CCDC178: variants seen among roughly 807,000 people sequenced by gnomAD.
CCDC178 encodes coiled-coil domain-containing protein 178.
A neutral mutation model predicts 117.4 loss-of-function variants in CCDC178; 126 were observed. The ratio of observed to expected loss-of-function variants is 1.07; its 90% CI spans 0.93 to 1.24. CCDC178 has a LOEUF of 1.24. Among genes scored for constraint, CCDC178 ranks in the 50% most tolerant of loss-of-function variants. The probability of loss-of-function intolerance (pLI) is 0.00; values close to 1 mark genes in which losing one functional copy is unlikely to be tolerated. For missense variants in CCDC178, 1,030 were observed against 986.9 expected, an observed-to-expected ratio of 1.04 and a Z score of -0.59; for synonymous variants, 283 against 313.4, an observed-to-expected ratio of 0.90 and a Z score of 1.02.
At chr18:33,108,793 T>TA (rs887954031) in intron 20 of CCDC178, among the ~76,000 whole-genome samples, 2 of 151,614 alleles carry the variant, frequency 1.3e-5, no homozygotes, top group Non-Finnish European at 3.0e-5. Flanking sequence ...AACGGTTTTT[T>TA]AAAAAAAGTG....
At chr18:33,113,976 T>C (rs969342172) in intron 20 of CCDC178, among the ~76,000 whole-genome samples, 9 of 151,996 alleles carry the variant, frequency 5.9e-5, no homozygotes, top group African/African-American at 2.2e-4. Flanking sequence ...TGCCATGAAA[T>C]AGCCAGCATT....
chr18:33,042,894 C>T (rs540642773), intron 21 of CCDC178, among the ~76,000 whole-genome samples: 73 of 151,750 alleles, frequency 4.8e-4, no homozygotes, highest in Admixed American at 1.5e-3. Context: ...AAATATGATT[C>T]GCAGATTTAA....
intron 21 of CCDC178, among the ~76,000 whole-genome samples, chr18:32,985,147 A>T (rs1410540700): frequency 6.6e-6 from 1 of 152,002 alleles, no homozygotes; most frequent in Non-Finnish European, 1.5e-5. Flanking sequence ...TCAAAATTTC[A>T]AGAAGAAATA....
intron 20 of CCDC178, among the ~76,000 whole-genome samples, chr18:33,129,199 C>T (rs1568006342): frequency 6.6e-6 from 1 of 152,076 alleles, no homozygotes; most frequent in Non-Finnish European, 1.5e-5. Context: ...CTTAACTGCT[C>T]ATTTAATTCA....
chr18:33,251,574 G>C (rs970010183), intron 14 of CCDC178, among the ~76,000 whole-genome samples: 1 of 151,656 alleles, frequency 6.6e-6, no homozygotes, highest in East Asian at 1.9e-4. Context: ...AAAGTCCTTC[G>C]AGTGTCTCCC....
In CCDC178 at chr18:33,045,106, G is replaced by A. The variant is rs2056617963; in HGVS notation, c.2388+47655C>T. Among the ~76,000 whole-genome samples, 3 of 152,008 alleles carry A rather than the reference G, an allele frequency of 2.0e-5. No homozygotes were observed. The South Asian group carries it at 6.2e-4, about 32-fold the overall frequency. On this transcript the variant is annotated intron_variant, in intron 21 of 22. Coordinates refer to ENST00000383096, the MANE Select transcript of CCDC178 (RefSeq NM_001105528.4). ...CAGTAAAAACCCAGAATTCACCATG[G>A]TGCATGTAAGAAATGCATATGTATG...
chr18:33,438,564 AC>A (rs2064325888), intron 2 of CCDC178, among the ~76,000 whole-genome samples: 2 of 151,796 alleles, frequency 1.3e-5, no homozygotes, highest in South Asian at 2.1e-4. Context: ...ACACACACAC[AC>A]AATTTGTGTT....
At chr18:33,366,016 C>G (rs2063200699) in intron 6 of CCDC178, among the ~76,000 whole-genome samples, 1 of 152,032 alleles carries the variant, frequency 6.6e-6, no homozygotes, top group South Asian at 2.1e-4. Flanking sequence ...ATAGAAAAGT[C>G]CGTGGCAGAT....
intron 12 of CCDC178, among the ~76,000 whole-genome samples, chr18:33,279,598 A>C (rs77814151): frequency 0.6 from 91,322 of 151,806 alleles, 30,227 homozygotes; most frequent in Non-Finnish European, 0.73. Flanking sequence ...ATTGGAAAAA[A>C]CTACTTTCAA....
intron 14 of CCDC178, among the ~76,000 whole-genome samples, chr18:33,250,848 T>G (rs2059612287): frequency 1.3e-5 from 2 of 151,560 alleles, no homozygotes; most frequent in African/African-American, 4.8e-5. Context: ...CACACATAGC[T>G]ACAAACAAAA....
intron 21 of CCDC178, chr18:32,983,303 G>T: frequency 6.5e-7 from 1 of 1,529,770 alleles, no homozygotes; most frequent in Non-Finnish European, 8.8e-7. Context: ...GAGTTCATCT[G>T]ATATAATTGG....
intron 20 of CCDC178, among the ~76,000 whole-genome samples, chr18:33,194,025 A>C (rs987273467): frequency 2.6e-5 from 4 of 152,176 alleles, no homozygotes; most frequent in African/African-American, 4.8e-5. Context: ...CCCACCCATG[A>C]AGGCAGAGCA....
chr18:32,991,367 G>A (rs896816536), intron 21 of CCDC178, among the ~76,000 whole-genome samples: 30 of 152,084 alleles, frequency 2.0e-4, no homozygotes, highest in Non-Finnish European at 1.5e-5. Context: ...TATGCCTAAT[G>A]ACATTTACAA....
intron 20 of CCDC178, among the ~76,000 whole-genome samples, chr18:33,124,248 A>G (rs1654946367): frequency 6.6e-6 from 1 of 152,140 alleles, no homozygotes; most frequent in South Asian, 2.1e-4. Flanking sequence ...AACAAACTAC[A>G]ATGCACTATG....
intron 6 of CCDC178, among the ~76,000 whole-genome samples, chr18:33,365,514 T>A (rs1157324649): frequency 2.6e-5 from 4 of 152,132 alleles, no homozygotes; most frequent in Admixed American, 6.6e-5. Context: ...AATGGCAGTT[T>A]CTATCTAATA....
intron 11 of CCDC178, among the ~76,000 whole-genome samples, chr18:33,317,245 C>A (rs569151151): frequency 4.6e-5 from 7 of 152,032 alleles, no homozygotes; most frequent in Non-Finnish European, 1.0e-4. Flanking sequence ...CTGAAGCCAA[C>A]GAGACCACGA....
At chr18:33,297,111 A>G (rs1367627879) in intron 11 of CCDC178, among the ~76,000 whole-genome samples, 2 of 152,100 alleles carry the variant, frequency 1.3e-5, no homozygotes, top group Non-Finnish European at 2.9e-5. Flanking sequence ...GAAAAAAATT[A>G]AAAATACAAT....
chr18:33,415,484 A>G (rs189977575), intron 2 of CCDC178, among the ~76,000 whole-genome samples: 1 of 150,154 alleles, frequency 6.7e-6, no homozygotes, highest in East Asian at 2.0e-4. Context: ...TCTCACTCAT[A>G]GGTGAGAATT....
intron 20 of CCDC178, among the ~76,000 whole-genome samples, chr18:33,117,385 C>A (rs2057872430): frequency 6.6e-6 from 1 of 151,998 alleles, no homozygotes; most frequent in Admixed American, 6.6e-5. Context: ...TTCCACTCAC[C>A]AAAGCTGACC....
Sources: allele counts gnomAD v4.1 joint callset (sites outside exome capture counted in the v4.1 genomes callset), GRCh38; gene constraint gnomAD v4.1.1; transcripts MANE v1.5; gene names NCBI Gene and HGNC (gene_info 2026-07-23, HGNC 2026-07-21).